Variants in PITPNM2 observed in about 807,000 individuals in gnomAD.
PITPNM2 encodes phosphatidylinositol transfer protein membrane associated 2, also known as membrane-associated phosphatidylinositol transfer protein 2.
Under a neutral mutation model 132.2 loss-of-function variants are expected in PITPNM2, and 35 were observed. The ratio of observed to expected loss-of-function variants is 0.26; its 90% CI spans 0.20 to 0.35. The LOEUF is 0.35. Ranked by LOEUF, PITPNM2 falls within the 10% of genes least tolerant of loss-of-function variation. The probability of loss-of-function intolerance (pLI) is 1.00; values close to 1 mark genes in which losing one functional copy is unlikely to be tolerated. For synonymous variants in PITPNM2, 738 were observed against 799.2 expected (o/e 0.92, Z 1.29); for missense variants, 1,332 against 1,912.0 (o/e 0.70, Z 5.66).
At chr12:123,138,693 G>A (rs1191716799) in intron 1 of PITPNM2, among the ~76,000 whole-genome samples, 1 of 152,162 alleles carries the variant, frequency 6.6e-6, no homozygotes, top group African/African-American at 2.4e-5. Flanking sequence ...GGAAGAATGG[G>A]GAGTGACTGC....
intron 1 of PITPNM2, among the ~76,000 whole-genome samples, chr12:123,148,146 A>G (rs1023303399): frequency 7.9e-5 from 12 of 152,358 alleles, no homozygotes; most frequent in African/African-American, 2.9e-4. Flanking sequence ...GTAAAAGCTT[A>G]ATAAACATCA....
chr12:123,035,030 C>A (rs143103353), intron 2 of PITPNM2, among the ~76,000 whole-genome samples: 2 of 152,298 alleles, frequency 1.3e-5, no homozygotes, highest in Non-Finnish European at 2.9e-5. Context: ...TCTATTTCCC[C>A]GGTACTGACA....
chr12:123,022,775 T>A lies in PITPNM2; in HGVS notation c.79-8733A>T, dbSNP rs957321099. On this transcript the variant is annotated intron_variant, in intron 3 of 25. Coordinates refer to ENST00000320201, the MANE Select transcript of PITPNM2 (RefSeq NM_020845.3). This position sits in a 1 kb window ranked among gnomAD's most constrained non-coding sequence, Gnocchi z 4.9. The stretch of plus-strand genomic sequence containing the variant: ...ATCAGAACCCCCAACCCCTACCTAA[T>A]AGGCACCAGGCATGGTGGGTAGCTG... Among the ~76,000 whole-genome samples, 1 of 152,088 alleles carries A rather than the reference T, an allele frequency of 6.6e-6. No homozygotes were observed. The highest frequency in any genetic ancestry group is 2.4e-5 in the African/African-American group (1 of 41,398).
intron 1 of PITPNM2, among the ~76,000 whole-genome samples, chr12:123,142,901 G>C (rs575385112): frequency 8.6e-4 from 129 of 150,178 alleles, no homozygotes; most frequent in Non-Finnish European, 1.6e-3. Context: ...AAAAAAGCAA[G>C]TGAAAAGTCA....
intron 1 of PITPNM2, among the ~76,000 whole-genome samples, chr12:123,113,572 A>C (rs1209079953): frequency 6.6e-6 from 1 of 152,118 alleles, no homozygotes; most frequent in Non-Finnish European, 1.5e-5. Flanking sequence ...GTAGTGGCAC[A>C]TGCCTGTAAT....
chr12:123,135,322 T>C (rs2043353759), intron 1 of PITPNM2, among the ~76,000 whole-genome samples: 1 of 152,212 alleles, frequency 6.6e-6, no homozygotes, highest in Non-Finnish European at 1.5e-5. Flanking sequence ...ACTTTCATTT[T>C]AAATATTTTT....
At chr12:123,121,773 G>A (rs562677362) in intron 1 of PITPNM2, among the ~76,000 whole-genome samples, 6 of 151,874 alleles carry the variant, frequency 4.0e-5, no homozygotes, top group African/African-American at 1.4e-4. Flanking sequence ...TCTAACTCCT[G>A]GCCTCAAGCA....
At position 122,987,505 on chromosome 12, in the gene PITPNM2, A is replaced by G. The variant is rs2037988208; in HGVS notation, c.3263+6T>C. ...CCTATCCCGCCCTCCCAGTGCAGGCATATACCTGACCACCATCTTGATAGG... is the reference window on the plus strand; with the variant it reads ...CCTATCCCGCCCTCCCAGTGCAGGCGTATACCTGACCACCATCTTGATAGG... On this transcript the variant is annotated splice_donor_region_variant and intron_variant, in intron 22 of 25. Coordinates refer to ENST00000320201, the MANE Select transcript of PITPNM2 (RefSeq NM_020845.3). The G allele has an allele frequency of 2.5e-6, 4 of 1,612,654 alleles. No homozygotes were observed. The highest frequency in any genetic ancestry group is 8.5e-7 in the Non-Finnish European group (1 of 1,179,042).
chr12:123,151,430 G>A (rs1335797342), upstream of PITPNM2, among the ~76,000 whole-genome samples: 2 of 152,132 alleles, frequency 1.3e-5, no homozygotes, highest in African/African-American at 2.4e-5. Flanking sequence ...CGGCCACTGT[G>A]ACTCTTAAAA....
chr12:123,017,984 TTTCCTTCCTTCC>T (rs1163587142), intron 3 of PITPNM2, among the ~76,000 whole-genome samples: 2,297 of 90,342 alleles, frequency 0.025, 61 homozygotes, highest in African/African-American at 0.069. Context: ...TTCTCTCACT[TTTCCTTCCTTCC>T]TTCCTTCCTT....
At chr12:123,127,170 A>G (rs1411815466) in intron 1 of PITPNM2, among the ~76,000 whole-genome samples, 1 of 152,190 alleles carries the variant, frequency 6.6e-6, no homozygotes, top group Non-Finnish European at 1.5e-5. Flanking sequence ...TGGTGCACAA[A>G]TGTGTTCAAA....
chr12:123,050,276 C>T (rs1207606371), intron 2 of PITPNM2, among the ~76,000 whole-genome samples: 2 of 152,208 alleles, frequency 1.3e-5, no homozygotes, highest in African/African-American at 2.4e-5. Context: ...CTTAGTATAA[C>T]TACCACCTCC....
In PITPNM2 at chr12:122,987,814, G is replaced by A. The variant is rs2038001821; in HGVS notation, c.3085C>T (p.Leu1029=). The change falls in exon 21 of 26, where the codon CTG becomes TTG. Residue 1029 remains leucine (L), a synonymous_variant. Transcript: ENST00000320201. ...VLTGRFMYGP[L]DMVTLTGEKV... ...TCCCCAGTCAGGGTGACCATGTCCA[G>A]GGGCCCATACATGAACCTGCCCGTC... is the stretch of plus-strand genomic sequence containing the variant. 1 of 1,614,056 alleles carries A rather than the reference G, an allele frequency of 6.2e-7. No individual in the cohort carries two copies. The highest frequency in any genetic ancestry group is 8.5e-7 in the Non-Finnish European group (1 of 1,180,012).
At chr12:122,996,095 G>A (rs1212373444) in intron 13 of PITPNM2, among the ~76,000 whole-genome samples, 1 of 152,200 alleles carries the variant, frequency 6.6e-6, no homozygotes, top group Non-Finnish European at 1.5e-5. Flanking sequence ...TTGGAAGGGT[G>A]AGGGGAAAGA....
At chr12:123,133,051 C>A (rs1010620127) in intron 1 of PITPNM2, among the ~76,000 whole-genome samples, 1 of 152,224 alleles carries the variant, frequency 6.6e-6, no homozygotes, top group African/African-American at 2.4e-5. Flanking sequence ...GCTTTCAAGT[C>A]TCTTGGGTAT....
chr12:123,075,696 C>T (rs998614523), intron 2 of PITPNM2: 2 of 152,292 alleles, frequency 1.3e-5, no homozygotes, highest in African/African-American at 2.4e-5. Flanking sequence ...CTCACGCCCC[C>T]TGCGGCTCCT....
In PITPNM2 at chr12:123,036,340, T is replaced by C. The variant is rs2040265962; in HGVS notation, c.-95-1655A>G. On this transcript the variant is annotated intron_variant, in intron 2 of 25. Coordinates refer to ENST00000320201, the MANE Select transcript of PITPNM2 (RefSeq NM_020845.3). The surrounding 1 kb of genome is among the most constrained non-coding windows in gnomAD (Gnocchi z 4.1). ...GGTCTGATAAAGGGGCTCCATCCCT[T>C]GTGCTAGCCTAAAACAGCGGCTCCC... 6.6e-6 allele frequency among the ~76,000 whole-genome samples: 1 copy of C among 152,148 alleles called. No homozygotes were observed. The highest frequency in any genetic ancestry group is 1.5e-5 in the Non-Finnish European group (1 of 68,028).
In PITPNM2 at chr12:123,077,864, G is replaced by A. The variant is rs1488860105; in HGVS notation, c.-96+32521C>T. 2.6e-5 allele frequency among the ~76,000 whole-genome samples: 4 copies of A among 152,170 alleles called. No individual in the cohort carries two copies. Among genetic ancestry groups the A allele is most frequent in the African/African-American group, 2.4e-5 (1 of 41,430 alleles). On this transcript the variant is annotated intron_variant, in intron 2 of 25. Coordinates refer to ENST00000320201, the MANE Select transcript of PITPNM2 (RefSeq NM_020845.3). This position sits in a 1 kb window ranked among gnomAD's most constrained non-coding sequence, Gnocchi z 4.8. ...CAGAGCCAGGAGGTGTGCACCACAGGAGCCAGGCTGGGGTCGCGCAGCAGC... is the reference window on the plus strand; with the variant it reads ...CAGAGCCAGGAGGTGTGCACCACAGAAGCCAGGCTGGGGTCGCGCAGCAGC...
rs753858038 is a variant in PITPNM2, at chr12:122,987,585, A to G, written c.3189T>C (p.Ser1063=). ...LYLDTLVTNN[S]GRVSYTIPES... The stretch of plus-strand genomic sequence containing the variant: ...CAGGGATGGTGTAGGAGACACGCCC[A>G]CTGTTGTTGGTCACCAGCGTATCCA... The change falls in exon 22 of 26, where the codon AGT becomes AGC. Residue 1063 remains serine (S), a synonymous_variant. Transcript: ENST00000320201. 1 of 1,613,896 alleles carries G rather than the reference A, an allele frequency of 6.2e-7. No individual in the cohort carries two copies. Among genetic ancestry groups the G allele is most frequent in the Non-Finnish European group, 8.5e-7 (1 of 1,179,998 alleles).
Sources: gnomAD v4.1 joint callset for allele counts (sites outside exome capture counted in the v4.1 genomes callset) on GRCh38, gnomAD v4.1.1 for gene constraint, Gnocchi (gnomAD v3.1) non-coding constraint, MANE v1.5 for transcripts, NCBI Gene and HGNC (gene_info 2026-07-23, HGNC 2026-07-21) for gene names.